The following ACACA variants were observed in gnomAD, a reference collection of about 807,000 sequenced individuals.
ACACA encodes acetyl-CoA carboxylase 1.
In ACACA, 103 loss-of-function variants were observed where a neutral mutation model predicts 296.1. The observed-to-expected ratio is 0.35, with a 90% CI of 0.30 to 0.41. ACACA has a LOEUF of 0.41. ACACA is among the 10% of genes least tolerant of loss of function. The pLI, the probability that ACACA is intolerant of heterozygous loss-of-function variation, is 1.00. For missense variants in ACACA, 1,554 were observed against 2,989.7 expected (o/e 0.52, Z 11.20); for synonymous variants, 953 against 1,038.6 (o/e 0.92, Z 1.58).
intron 45 of ACACA, among the ~76,000 whole-genome samples, chr17:37,143,110 G>A (rs1314808668): frequency 1.3e-5 from 2 of 151,894 alleles, no homozygotes; most frequent in Admixed American, 1.3e-4. Flanking sequence ...GCCCAGAGAG[G>A]TTAAATAAAT....
intron 14 of ACACA, among the ~76,000 whole-genome samples, chr17:37,254,166 T>C (rs1379667762): frequency 2.0e-5 from 3 of 152,198 alleles, no homozygotes; most frequent in Admixed American, 1.3e-4. Context: ...TTTCAAAATA[T>C]ATGGCAGAAT....
chr17:37,230,668 A>G (rs1186609360), intron 25 of ACACA, among the ~76,000 whole-genome samples: 1 of 152,192 alleles, frequency 6.6e-6, no homozygotes, highest in Non-Finnish European at 1.5e-5. Flanking sequence ...ACCCATCTTA[A>G]GATGCCAACT....
In ACACA at chr17:37,205,801, C is replaced by T; in HGVS notation, c.4020G>A (p.Arg1340=). The stretch of plus-strand genomic sequence containing the variant: ...TAAATTCTCTGAACATAGCTGCCAG[C>T]CTGTCATCCTCAATATCACAGTCAG... ...IKTDCDIEDD[R]LAAMFREFTQ... The change falls in exon 33 of 56, where the codon AGG becomes AGA. Residue 1340 remains arginine, a synonymous_variant. Coordinates refer to ENST00000616317, the MANE Select transcript of ACACA (RefSeq NM_198834.3). 6.2e-7 allele frequency: 1 copy of T among 1,613,700 alleles called. No individual in the cohort carries two copies. The highest frequency in any genetic ancestry group is 2.2e-5 in the East Asian group (1 of 44,870).
intron 1 of ACACA, among the ~76,000 whole-genome samples, chr17:37,398,258 C>T (rs1422382276): frequency 2.7e-5 from 4 of 145,522 alleles, no homozygotes; most frequent in Non-Finnish European, 6.0e-5. Context: ...GTTTGGCCTC[C>T]TCTTCTAGCT....
Position 37,248,644 on chromosome 17 carries a change from C to A in ACACA, c.2112G>T (p.Leu704=). The change falls in exon 17 of 56, where the codon CTG becomes CTT. Residue 704 remains leucine (L), a synonymous_variant. Transcript: ENST00000616317. ...AGATAAGTTCAACATCTACTGTATT[C>A]AGAAGTGTATGAGCAGGAAGGACTT... ...RGQVLPAHTL[L]NTVDVELIYE... is the part of the protein sequence containing the mutation. 1.2e-6 allele frequency: 2 copies of A among 1,611,516 alleles called. No homozygotes were observed. The highest frequency in any genetic ancestry group is 2.2e-5 in the South Asian group (2 of 90,862).
At chr17:37,312,872 T>A (rs1354487351) in intron 3 of ACACA, among the ~76,000 whole-genome samples, 8 of 151,764 alleles carry the variant, frequency 5.3e-5, no homozygotes, top group South Asian at 2.1e-4. Context: ...ACAAAAAAAA[T>A]TTTTAAAGAA....
At chr17:37,395,621 C>T (rs113543262) in intron 1 of ACACA, among the ~76,000 whole-genome samples, 7,094 of 151,834 alleles carry the variant, frequency 0.047, 530 homozygotes, top group African/African-American at 0.16. Flanking sequence ...CTCGGCTCAC[C>T]GCAACCTCCG....
At chr17:37,229,355 G>C (rs932723679) in intron 25 of ACACA, among the ~76,000 whole-genome samples, 2 of 151,888 alleles carry the variant, frequency 1.3e-5, no homozygotes, top group Non-Finnish European at 2.9e-5. Context: ...GCAGGCTGGA[G>C]TGCAGTGGCG....
rs1266273388 is a variant in ACACA, at chr17:37,330,149, G to A, written c.338+24C>T. On this transcript the variant is annotated intron_variant, in intron 3 of 55. Coordinates refer to ENST00000616317, the MANE Select transcript of ACACA (RefSeq NM_198834.3). Reference sequence around the variant, plus strand: ...AAAACTAACAAGACAGATTAAATAAGTAGACCATTGAACTCTCTCTTACCT... The same window carrying A: ...AAAACTAACAAGACAGATTAAATAAATAGACCATTGAACTCTCTCTTACCT... The A allele has an allele frequency of 3.1e-6, 5 of 1,613,582 alleles. No homozygotes were observed. In the Admixed American group the frequency reaches 6.7e-5, roughly 22 times the overall value.
At chr17:37,170,998 G>A (rs2076862845) in intron 41 of ACACA, among the ~76,000 whole-genome samples, 1 of 152,206 alleles carries the variant, frequency 6.6e-6, no homozygotes, top group South Asian at 2.1e-4. Flanking sequence ...GAAGCAGAAA[G>A]AGAATATCTT....
chr17:37,289,822 G>T lies in ACACA; in HGVS notation c.339-4852C>A, dbSNP rs1598410423. ...CCTTCCAACTTCACCCCTTAAGGAG[G>T]TAGGTAACTGAGCTTCCTCTGTGCC... On this transcript the variant is annotated intron_variant, in intron 3 of 55. Transcript: ENST00000616317. Among the ~76,000 whole-genome samples the T allele has an allele frequency of 4.6e-5, 7 of 152,146 alleles. No individual in the cohort carries two copies. In the South Asian group the frequency reaches 1.4e-3, roughly 32 times the overall value.
At chr17:37,349,442 G>T (rs1487031999) in intron 1 of ACACA, among the ~76,000 whole-genome samples, 1 of 145,726 alleles carries the variant, frequency 6.9e-6, no homozygotes, top group African/African-American at 2.5e-5. Context: ...CTTACATATA[G>T]ATAAGATATA....
chr17:37,270,470 AG>A (rs2082019600), intron 10 of ACACA, among the ~76,000 whole-genome samples: 1 of 152,188 alleles, frequency 6.6e-6, no homozygotes, highest in Non-Finnish European at 1.5e-5. Flanking sequence ...CATACGCACC[AG>A]GTAGGAAAGA....
At chr17:37,297,651 A>C (rs553964925) in intron 3 of ACACA, among the ~76,000 whole-genome samples, 2 of 151,802 alleles carry the variant, frequency 1.3e-5, no homozygotes, top group South Asian at 4.2e-4. Flanking sequence ...TGCTCGATCA[A>C]GCAATTCTCC....
At chr17:37,375,708 T>C (rs534113019) in intron 1 of ACACA, among the ~76,000 whole-genome samples, 8 of 152,302 alleles carry the variant, frequency 5.3e-5, no homozygotes, top group African/African-American at 1.9e-4. Flanking sequence ...TTCATGAAAG[T>C]ATATAAATCT....
intron 45 of ACACA, chr17:37,141,025 T>C: frequency 4.9e-6 from 2 of 410,332 alleles, no homozygotes; most frequent in Non-Finnish European, 9.3e-6. Flanking sequence ...GATGGCCCCA[T>C]GGATGGCAGT....
chr17:37,364,713 G>C (rs1282094758), intron 1 of ACACA, among the ~76,000 whole-genome samples: 1 of 152,170 alleles, frequency 6.6e-6, no homozygotes, highest in East Asian at 1.9e-4. Context: ...TTTTAGGACA[G>C]AGAATAGAGG....
Position 37,161,916 on chromosome 17 carries a change from T to G in ACACA, c.5214A>C (p.Arg1738Ser). 2 of 1,614,214 alleles carry G rather than the reference T, an allele frequency of 1.2e-6. No individual in the cohort carries two copies. Among genetic ancestry groups the G allele is most frequent in the Non-Finnish European group, 8.5e-7 (1 of 1,180,032 alleles). Reference protein sequence around the residue: ...FGPQEDLLFLRASELARAEGI... With the variant: ...FGPQEDLLFLSASELARAEGI... ...CTTCTGCCCTAGCAAGTTCGGAAGC[T>G]CTGAGAAATAACAAATCCTCTTGAG... The change falls in exon 42 of 56, where the codon AGA (arginine) becomes AGC (serine). Residue 1738 changes from arginine (R) to serine (S), a missense_variant. Transcript: ENST00000616317.
At chr17:37,271,212 G>A (rs567419058) in intron 9 of ACACA, among the ~76,000 whole-genome samples, 31 of 152,254 alleles carry the variant, frequency 2.0e-4, no homozygotes, top group African/African-American at 7.2e-4. Context: ...GTACATACCA[G>A]CAATGATTTA....
Sources: gnomAD v4.1 joint callset for allele counts (sites outside exome capture counted in the v4.1 genomes callset) on GRCh38, gnomAD v4.1.1 for gene constraint, MANE v1.5 for transcripts, NCBI Gene and HGNC (gene_info 2026-07-23, HGNC 2026-07-21) for gene names.